The following TLL2 variants were observed in gnomAD, a reference collection of about 807,000 sequenced individuals.
TLL2 encodes the protein tolloid like 2.
Under a neutral mutation model 123.0 loss-of-function variants are expected in TLL2, and 106 were observed. The ratio of observed to expected loss-of-function variants is 0.86; its 90% CI spans 0.74 to 1.01. TLL2 has a LOEUF of 1.01. TLL2 is among the 50% of genes least tolerant of loss of function. TLL2 has a pLI of 0.00. For synonymous variants in TLL2, 494 were observed against 516.8 expected, an observed-to-expected ratio of 0.96 and a Z score of 0.60; for missense variants, 1,332 against 1,336.7, an observed-to-expected ratio of 1.00 and a Z score of 0.06.
chr10:96,513,831 G>C lies in TLL2; in HGVS notation c.-146C>G. The C allele has an allele frequency of 1.2e-6, 1 of 825,586 alleles. No individual in the cohort carries two copies. The highest frequency in any genetic ancestry group is 2.8e-5 in the South Asian group (1 of 36,062). The allele number at this position is 825,586 out of a possible 1,614,324, so 51.1% of individuals were successfully genotyped here. A position where few individuals can be genotyped will look rare whatever the true frequency, so the allele number is the denominator to read the frequency against. ...TGGGCATGGCTCAGGCGCGGAGCAA[G>C]CGGAGCGCGGCGCCCCCTGTCTTCG... On this transcript the variant is annotated 5_prime_UTR_variant, in exon 1 of 21. Transcript: ENST00000357947.
chr10:96,452,160 A>C lies in TLL2; in HGVS notation c.287-5992T>G, dbSNP rs570047420. ...AGGGGATGGAAATTAACAATAAATA[A>C]TGAGATCATTTCGTGGGATTAAGCA... On this transcript the variant is annotated intron_variant, in intron 2 of 20. Coordinates refer to ENST00000357947, the MANE Select transcript of TLL2 (RefSeq NM_012465.4). 1.1e-3 allele frequency among the ~76,000 whole-genome samples: 171 copies of C among 152,310 alleles called. 1 individual carries two copies. The highest frequency in any genetic ancestry group is 4.1e-3 in the African/African-American group (170 of 41,572).
intron 13 of TLL2, among the ~76,000 whole-genome samples, chr10:96,391,641 G>T (rs1199530599): frequency 6.6e-6 from 1 of 152,216 alleles, no homozygotes; most frequent in Non-Finnish European, 1.5e-5. Flanking sequence ...ATTCCTACCA[G>T]GGGATTGTAA....
At chr10:96,512,441 C>T (rs904361137) in intron 1 of TLL2, among the ~76,000 whole-genome samples, 1 of 152,236 alleles carries the variant, frequency 6.6e-6, no homozygotes, top group Non-Finnish European at 1.5e-5. Context: ...AACCACTGGC[C>T]CACAGGCCCC....
At chr10:96,380,026 C>A (rs544388810) in intron 16 of TLL2, among the ~76,000 whole-genome samples, 1 of 152,246 alleles carries the variant, frequency 6.6e-6, no homozygotes, top group Non-Finnish European at 1.5e-5. Flanking sequence ...CCCTTGTGGC[C>A]ATGGGCAGTT....
rs1317454534 is a variant in TLL2 at position 96,480,278 on chromosome 10, AC to A, written c.286+70del. The A allele has an allele frequency of 2.3e-6, 3 of 1,304,618 alleles. No homozygotes were observed. The African/African-American group carries it at 4.4e-5, about 19-fold the overall frequency. The allele number at this position is 1,304,618 out of a possible 1,614,324, so 80.8% of individuals were successfully genotyped here. A position where few individuals can be genotyped will look rare whatever the true frequency, so the allele number is the denominator to read the frequency against. ...CAAGTCAAACACCGATGACTCGTGG[AC>A]CACATCTCCCCCTGCTGAAGTCCCT... is the stretch of plus-strand genomic sequence containing the variant. On this transcript the variant is annotated intron_variant, in intron 2 of 20. Coordinates refer to ENST00000357947, the MANE Select transcript of TLL2 (RefSeq NM_012465.4).
chr10:96,381,794 T>C (rs1338535001), intron 16 of TLL2, among the ~76,000 whole-genome samples: 1 of 152,064 alleles, frequency 6.6e-6, no homozygotes, highest in East Asian at 1.9e-4. Context: ...AGTAGTGTAC[T>C]GTGCCCACAG....
intron 10 of TLL2, among the ~76,000 whole-genome samples, chr10:96,402,828 A>T (rs1385143909): frequency 6.6e-6 from 1 of 152,002 alleles, no homozygotes; most frequent in Admixed American, 6.6e-5. Flanking sequence ...GCCTCTTCTG[A>T]CCTACCTCAG....
At position 96,513,651 on chromosome 10, in the gene TLL2, G is replaced by A. The variant is rs1847654911; in HGVS notation, c.35C>T (p.Ser12Leu). 1.3e-6 allele frequency: 2 copies of A among 1,586,212 alleles called. No homozygotes were observed. Among genetic ancestry groups the A allele is most frequent in the Non-Finnish European group, 1.7e-6 (2 of 1,172,890 alleles). ...PRATALGALV[S>L]LLLLLPLPRG... ...AGGCAGCGGCAGCAGCAGCAGCAGT[G>A]ACACCAGGGCCCCAAGTGCAGTCGC... The change falls in exon 1 of 21, where the codon TCA (serine) becomes TTA (leucine). Residue 12 changes from serine (S) to leucine (L), a missense_variant. Physicochemically the swap from Ser to Leu is moderately radical, Grantham distance 145. Coordinates refer to ENST00000357947, the MANE Select transcript of TLL2 (RefSeq NM_012465.4).
intron 1 of TLL2, among the ~76,000 whole-genome samples, chr10:96,502,052 C>G (rs996573361): frequency 3.3e-5 from 5 of 152,130 alleles, no homozygotes; most frequent in Non-Finnish European, 5.9e-5. Context: ...GAAAGGGGAC[C>G]TGATTGAGAC....
intron 1 of TLL2, among the ~76,000 whole-genome samples, chr10:96,496,198 C>A (rs1053135683): frequency 3.9e-5 from 6 of 152,172 alleles, no homozygotes; most frequent in African/African-American, 1.4e-4. Flanking sequence ...CCTAATTGAT[C>A]ACAGCTCTCC....
chr10:96,512,754 A>G (rs1847643531), intron 1 of TLL2, among the ~76,000 whole-genome samples: 1 of 152,222 alleles, frequency 6.6e-6, no homozygotes, highest in Non-Finnish European at 1.5e-5. Flanking sequence ...TAACGCTTCA[A>G]CGACTCCAGC....
chr10:96,444,264 G>A (rs183008287), intron 3 of TLL2, among the ~76,000 whole-genome samples: 40 of 152,254 alleles, frequency 2.6e-4, no homozygotes, highest in African/African-American at 8.9e-4. Context: ...AAATATGTAC[G>A]GATATATGTT....
In TLL2 at chr10:96,420,976, G is replaced by C; in HGVS notation, c.903C>G (p.Tyr301Ter). Residue 301 changes from tyrosine (Y) to a stop codon, truncating the protein, a stop_gained, in exon 7 of 21, where the codon TAC (tyrosine) becomes TAG (stop). Coordinates refer to ENST00000357947, the MANE Select transcript of TLL2 (RefSeq NM_012465.4). LOFTEE classifies it high-confidence loss of function. Reference protein sequence around the residue: ...ETYDFDSIMHYARNTFSRGVF... With the variant: ...ETYDFDSIMH ...CCGACCTTGAGAAGGTGTTCCGGGC[G>C]TAGTGCATGATGCTGTCAAAGTCGT... is the stretch of plus-strand genomic sequence containing the variant. 6.2e-7 allele frequency: 1 copy of C among 1,614,048 alleles called. No individual in the cohort carries two copies. The highest frequency in any genetic ancestry group is 1.1e-5 in the South Asian group (1 of 91,080).
intron 1 of TLL2, among the ~76,000 whole-genome samples, chr10:96,502,610 T>C (rs1190597639): frequency 6.6e-6 from 1 of 152,092 alleles, no homozygotes; most frequent in African/African-American, 2.4e-5. Flanking sequence ...CAGTGTGGTA[T>C]CTGCACCCAT....
At chr10:96,460,364 A>G (rs1457017129) in intron 2 of TLL2, among the ~76,000 whole-genome samples, 2 of 152,186 alleles carry the variant, frequency 1.3e-5, no homozygotes, top group African/African-American at 4.8e-5. Context: ...GTAACCCTCC[A>G]ATGTGATGGT....
intron 2 of TLL2, among the ~76,000 whole-genome samples, chr10:96,478,948 C>T (rs1847285020): frequency 6.6e-6 from 1 of 152,092 alleles, no homozygotes; most frequent in South Asian, 2.1e-4. Flanking sequence ...GTAACACCAT[C>T]AAAAAAGTTT....
chr10:96,374,969 G>A (rs1197931343), intron 18 of TLL2, among the ~76,000 whole-genome samples: 1 of 146,192 alleles, frequency 6.8e-6, no homozygotes, highest in Non-Finnish European at 1.5e-5. Flanking sequence ...TGCGGGGGGG[G>A]GGGGGGGGTG....
At chr10:96,419,394 C>T (rs564861081) in intron 7 of TLL2, among the ~76,000 whole-genome samples, 1 of 152,282 alleles carries the variant, frequency 6.6e-6, no homozygotes, top group Admixed American at 6.5e-5. Flanking sequence ...ACAGCTGCCC[C>T]TAATTACTGT....
chr10:96,513,864 A>T lies in TLL2; in HGVS notation c.-179T>A. 1 of 648,124 alleles carries T rather than the reference A, an allele frequency of 1.5e-6. No homozygotes were observed. The highest frequency in any genetic ancestry group is 2.4e-6 in the Non-Finnish European group (1 of 421,496). The allele number at this position is 648,124 out of a possible 1,614,324, so 40.1% of individuals were successfully genotyped here. A position where few individuals can be genotyped will look rare whatever the true frequency, so the allele number is the denominator to read the frequency against. On this transcript the variant is annotated 5_prime_UTR_variant, in exon 1 of 21. Transcript: ENST00000357947. ...CGGCGCCCCCTGTCTTCGTCGAGGCAACCGGGAAGCAGCCGCTCGGAGCTA... is the reference window on the plus strand; with the variant it reads ...CGGCGCCCCCTGTCTTCGTCGAGGCTACCGGGAAGCAGCCGCTCGGAGCTA...
Sources: gnomAD v4.1 joint callset for allele counts (sites outside exome capture counted in the v4.1 genomes callset) on GRCh38, gnomAD v4.1.1 for gene constraint, MANE v1.5 for transcripts, NCBI Gene and HGNC (gene_info 2026-07-23, HGNC 2026-07-21) for gene names.